The following MSX1 variants were observed in gnomAD, a reference collection of about 807,000 sequenced individuals.
MSX1 encodes msh homeobox 1, also known as homeobox protein MSX-1.
MSX1 carries 11 observed loss-of-function variants against 17.0 expected under a neutral mutation model. That is an observed-to-expected ratio of 0.65 (90% CI 0.41 to 1.07). MSX1 has a LOEUF of 1.07. MSX1 is among the 50% of genes least tolerant of loss of function. MSX1 has a pLI of 0.00. For synonymous variants in MSX1, 253 were observed against 211.8 expected (o/e 1.19, Z -1.69); for missense variants, 477 against 440.1 (o/e 1.08, Z -0.75).
chr4:4,863,229 C>G lies in MSX1; in HGVS notation c.*86C>G. On this transcript the variant is annotated 3_prime_UTR_variant, in exon 2 of 2. Transcript: ENST00000382723. ...CGACGTGCTCCCCTGCTCGGCACCGCCAGCCGCCTTCCCTTTAACCCTCAC... is the reference window on the plus strand; with the variant it reads ...CGACGTGCTCCCCTGCTCGGCACCGGCAGCCGCCTTCCCTTTAACCCTCAC... 7.3e-7 allele frequency: 1 copy of G among 1,373,554 alleles called. No individual in the cohort carries two copies. Among genetic ancestry groups the G allele is most frequent in the Non-Finnish European group, 1.0e-6 (1 of 1,003,066 alleles). 85.1% of individuals were successfully genotyped at this position (1,373,554 alleles called of 1,614,324 possible). A position where few individuals can be genotyped will look rare whatever the true frequency, so the allele number is the denominator to read the frequency against.
chr4:4,861,959 G>A (rs368211623), intron 1 of MSX1, among the ~76,000 whole-genome samples: 6 of 152,148 alleles, frequency 3.9e-5, no homozygotes, highest in African/African-American at 1.2e-4. Flanking sequence ...GGCGCCAGGG[G>A]TGAACGCGAT....
At position 4,860,322 on chromosome 4, in the gene MSX1, G is replaced by C. The variant is rs1737884000; in HGVS notation, c.423G>C (p.Glu141Asp). 1 of 1,604,318 alleles carries C rather than the reference G, an allele frequency of 6.2e-7. No individual in the cohort carries two copies. The highest frequency in any genetic ancestry group is 1.3e-5 in the African/African-American group (1 of 74,906). ...LVKAESPEKPERTPWMQSPRF... is the reference protein window; with the variant it reads ...LVKAESPEKPDRTPWMQSPRF... ...AAGCCGAGAGCCCCGAGAAGCCCGA[G>C]AGGACCCCGTGGATGCAGAGCCCCC... Residue 141 changes from glutamate to aspartate, a missense_variant, in exon 1 of 2, where the codon GAG (glutamate) becomes GAC (aspartate). Physicochemically the swap from Glu to Asp is conservative, Grantham distance 45. Coordinates refer to ENST00000382723, the MANE Select transcript of MSX1 (RefSeq NM_002448.3).
chr4:4,863,254 C>CA lies in MSX1; in HGVS notation c.*112dup, dbSNP rs906845052. The CA allele has an allele frequency of 1.8e-5, 21 of 1,138,474 alleles. No individual in the cohort carries two copies. Among genetic ancestry groups the CA allele is most frequent in the Non-Finnish European group, 2.6e-5 (21 of 795,196 alleles). 70.5% of individuals were successfully genotyped at this position (1,138,474 alleles called of 1,614,324 possible). On this transcript the variant is annotated 3_prime_UTR_variant, in exon 2 of 2. Transcript: ENST00000382723. ...CCAGCCGCCTTCCCTTTAACCCTCA[C>CA]ACTGCTCCAGTTTCACCTCTTTGCT...
rs1737981196 is a variant in MSX1, at chr4:4,863,597, A to G, written c.*454A>G. On this transcript the variant is annotated 3_prime_UTR_variant, in exon 2 of 2. Coordinates refer to ENST00000382723, the MANE Select transcript of MSX1 (RefSeq NM_002448.3). Reference sequence around the variant, plus strand: ...AAAAAAAAAAAAAAAAAGAAAAGAGAAAAAAAAGACTAGCCAGCCAGGAAG... The same window carrying G: ...AAAAAAAAAAAAAAAAAGAAAAGAGGAAAAAAAGACTAGCCAGCCAGGAAG... 1 of 144,730 alleles carries G rather than the reference A, an allele frequency of 6.9e-6. No homozygotes were observed. The highest frequency in any genetic ancestry group is 1.5e-5 in the Non-Finnish European group (1 of 66,840). The allele number at this position is 144,730 out of a possible 1,614,324, so 9.0% of individuals were successfully genotyped here.
intron 1 of MSX1, among the ~76,000 whole-genome samples, chr4:4,862,230 G>T (rs1015875572): frequency 6.6e-6 from 1 of 152,364 alleles, no homozygotes; most frequent in Non-Finnish European, 1.5e-5. Flanking sequence ...CACTCCGTGG[G>T]CACTGATAAA....
At chr4:4,862,081 C>A (rs1166387899) in intron 1 of MSX1, among the ~76,000 whole-genome samples, 1 of 152,198 alleles carries the variant, frequency 6.6e-6, no homozygotes, top group East Asian at 1.9e-4. Context: ...CACAGTGCAC[C>A]CTCCATGATG....
chr4:4,862,577 G>T, intron 1 of MSX1, 124 bp from the exon 2 acceptor site: 1 of 1,143,230 alleles, frequency 8.7e-7, no homozygotes, highest in Non-Finnish European at 1.3e-6. Context: ...GCGATGCCCG[G>T]CACCGAGGCA....
rs1460611625 is a variant in MSX1 at position 4,859,716 on chromosome 4, C to G, written c.-184C>G. ...GGGAACTCTGCCTGCGCGGCGGCAG[C>G]GACCGGAGGCCAGGCCCAGCACGCC... is the stretch of plus-strand genomic sequence containing the variant. On this transcript the variant is annotated 5_prime_UTR_variant, in exon 1 of 2. Transcript: ENST00000382723. 2.4e-5 allele frequency: 6 copies of G among 250,656 alleles called. No individual in the cohort carries two copies. Among genetic ancestry groups the G allele is most frequent in the African/African-American group, 1.1e-4 (5 of 43,480 alleles). The allele number at this position is 250,656 out of a possible 1,614,324, so 15.5% of individuals were successfully genotyped here.
rs28928890 is a variant in MSX1 at position 4,860,150 on chromosome 4, A to T, written c.251A>T (p.Glu84Val). The T allele has an allele frequency of 1.5e-5, 22 of 1,509,688 alleles. No individual in the cohort carries two copies. The highest frequency in any genetic ancestry group is 1.1e-4 in the Admixed American group (5 of 47,144). The allele number at this position is 1,509,688 out of a possible 1,614,324, so 93.5% of individuals were successfully genotyped here. The change falls in exon 1 of 2, where the codon GAG becomes GTG. Residue 84 changes from glutamate to valine, a missense_variant. Transcript: ENST00000382723. ...AAGGAGAGCGCCCTGGCGCCCTCCG[A>T]GGGCGTGCAGGCGGCGGGTGGCTCG... ...GAKESALAPS[E>V]GVQAAGGSAQ...
In MSX1 at chr4:4,860,301, C is replaced by G; in HGVS notation, c.402C>G (p.Ala134=). 1 of 1,602,194 alleles carries G rather than the reference C, an allele frequency of 6.2e-7. No homozygotes were observed. The highest frequency in any genetic ancestry group is 8.5e-7 in the Non-Finnish European group (1 of 1,179,610). The change falls in exon 1 of 2, where the codon GCC becomes GCG. Residue 134 remains alanine (A), a synonymous_variant. Transcript: ENST00000382723. ...LKLPEDALVK[A]ESPEKPERTP... ...TGCCAGAAGATGCGCTCGTCAAAGCCGAGAGCCCCGAGAAGCCCGAGAGGA... is the reference window on the plus strand; with the variant it reads ...TGCCAGAAGATGCGCTCGTCAAAGCGGAGAGCCCCGAGAAGCCCGAGAGGA...
Position 4,859,858 on chromosome 4 carries a change from C to A in MSX1, c.-42C>A. 1.4e-6 allele frequency: 2 copies of A among 1,430,286 alleles called. No individual in the cohort carries two copies. The highest frequency in any genetic ancestry group is 1.8e-6 in the Non-Finnish European group (2 of 1,088,254). The allele number at this position is 1,430,286 out of a possible 1,614,324, so 88.6% of individuals were successfully genotyped here. On this transcript the variant is annotated 5_prime_UTR_variant, in exon 1 of 2. Coordinates refer to ENST00000382723, the MANE Select transcript of MSX1 (RefSeq NM_002448.3). ...CAGCCCGCCCGGAGCCCATGCCCGG[C>A]GGCTGGCCAGTGCTGCGGCAGAAGG...
chr4:4,863,042 C>G lies in MSX1; in HGVS notation c.811C>G (p.Leu271Val), dbSNP rs1737959339. Residue 271 changes from leucine (L) to valine (V), a missense_variant, in exon 2 of 2, where the codon CTC (leucine) becomes GTC (valine). By Grantham distance (32) the Leu-to-Val change is conservative. Transcript: ENST00000382723. The stretch of plus-strand genomic sequence containing the variant: ...TGTAGCGGCCGCGGCGGGTGCCTCG[C>G]TCTACGGTGCCTCTGGCCCCTTCCA... ...AAVAAAAGAS[L>V]YGASGPFQRA... 2 of 1,609,488 alleles carry G rather than the reference C, an allele frequency of 1.2e-6. No homozygotes were observed. The highest frequency in any genetic ancestry group is 1.7e-6 in the Non-Finnish European group (2 of 1,178,644).
At position 4,863,189 on chromosome 4, in the gene MSX1, C is replaced by T. The variant is rs1737964539; in HGVS notation, c.*46C>T. 3 of 1,552,012 alleles carry T rather than the reference C, an allele frequency of 1.9e-6. No individual in the cohort carries two copies. Among genetic ancestry groups the T allele is most frequent in the Non-Finnish European group, 2.6e-6 (3 of 1,153,198 alleles). On this transcript the variant is annotated 3_prime_UTR_variant, in exon 2 of 2. Coordinates refer to ENST00000382723, the MANE Select transcript of MSX1 (RefSeq NM_002448.3). ...TGTGGGCCAGCCGATTCCTCCAGCCCTGGTGCTGTACCCCCGACGTGCTCC... is the reference window on the plus strand; with the variant it reads ...TGTGGGCCAGCCGATTCCTCCAGCCTTGGTGCTGTACCCCCGACGTGCTCC...
chr4:4,860,047 G>A lies in MSX1; in HGVS notation c.148G>A (p.Ala50Thr). Reference protein sequence around the residue: ...AAAMGADEEGAKPKVSPSLLP... With the variant: ...AAAMGADEEGTKPKVSPSLLP... ...CGCCATGGGCGCGGACGAGGAGGGG[G>A]CCAAGCCCAAAGTGTCCCCTTCGCT... Residue 50 changes from alanine (A) to threonine (T), a missense_variant, in exon 1 of 2, where the codon GCC becomes ACC. By Grantham distance (58) the Ala-to-Thr change is moderately conservative. Around this residue, in one of 3 missense-constraint regions of MSX1, gnomAD observed 355 missense variants for 306.1 expected, o/e 1.16. Coordinates refer to ENST00000382723, the MANE Select transcript of MSX1 (RefSeq NM_002448.3). The A allele has an allele frequency of 6.6e-7, 1 of 1,514,686 alleles. No homozygotes were observed. Among genetic ancestry groups the A allele is most frequent in the Non-Finnish European group, 8.8e-7 (1 of 1,132,698 alleles). The allele number at this position is 1,514,686 out of a possible 1,614,324, so 93.8% of individuals were successfully genotyped here.
chr4:4,862,680 T>G (rs1209169510), intron 1 of MSX1, 21 bp from the exon 2 acceptor site: 2 of 1,609,934 alleles, frequency 1.2e-6, no homozygotes, highest in South Asian at 2.2e-5. Flanking sequence ...CCCCTTGCTT[T>G]TTTTTTCTTT....
Position 4,859,705 on chromosome 4 carries a change from C to A in MSX1, c.-195C>A. On this transcript the variant is annotated 5_prime_UTR_variant, in exon 1 of 2. Coordinates refer to ENST00000382723, the MANE Select transcript of MSX1 (RefSeq NM_002448.3). ...CGAGTGCTCCCGGGAACTCTGCCTG[C>A]GCGGCGGCAGCGACCGGAGGCCAGG... 1 of 222,556 alleles carries A rather than the reference C, an allele frequency of 4.5e-6. No individual in the cohort carries two copies. The highest frequency in any genetic ancestry group is 8.3e-6 in the Non-Finnish European group (1 of 121,014). The allele number at this position is 222,556 out of a possible 1,614,324, so 13.8% of individuals were successfully genotyped here. A position where few individuals can be genotyped will look rare whatever the true frequency, so the allele number is the denominator to read the frequency against.
chr4:4,860,412 G>T, intron 1 of MSX1, 44 bp downstream of exon 1: 1 of 1,540,654 alleles, frequency 6.5e-7, no homozygotes, highest in Non-Finnish European at 8.7e-7. Context: ...GGCCGGGTGG[G>T]GGCCGGGTGG....
Position 4,859,841 on chromosome 4 carries a change from C to G in MSX1, c.-59C>G. 7 of 1,389,742 alleles carry G rather than the reference C, an allele frequency of 5.0e-6. No homozygotes were observed. The highest frequency in any genetic ancestry group is 6.6e-6 in the Non-Finnish European group (7 of 1,066,664). 86.1% of individuals were successfully genotyped at this position (1,389,742 alleles called of 1,614,324 possible). A position where few individuals can be genotyped will look rare whatever the true frequency, so the allele number is the denominator to read the frequency against. On this transcript the variant is annotated 5_prime_UTR_variant, in exon 1 of 2. Transcript: ENST00000382723. ...GAGGCCGGCCGCGCTCCCAGCCCGCCCGGAGCCCATGCCCGGCGGCTGGCC... is the reference window on the plus strand; with the variant it reads ...GAGGCCGGCCGCGCTCCCAGCCCGCGCGGAGCCCATGCCCGGCGGCTGGCC...
rs967551252 is a variant in MSX1 at position 4,860,135 on chromosome 4, C to T, written c.236C>T (p.Ala79Val). Reference protein sequence around the residue: ...DHRKPGAKESALAPSEGVQAA... With the variant: ...DHRKPGAKESVLAPSEGVQAA... ...AGGAAGCCGGGGGCCAAGGAGAGCG[C>T]CCTGGCGCCCTCCGAGGGCGTGCAG... The change falls in exon 1 of 2, where the codon GCC becomes GTC. Residue 79 changes from alanine (A) to valine (V), a missense_variant. This residue lies in a region of MSX1 where 355 missense variants were observed against 306.1 expected (regional missense o/e 1.16). Transcript: ENST00000382723. 1 of 1,512,934 alleles carries T rather than the reference C, an allele frequency of 6.6e-7. No homozygotes were observed. Among genetic ancestry groups the T allele is most frequent in the African/African-American group, 1.4e-5 (1 of 69,314 alleles). 93.7% of individuals were successfully genotyped at this position (1,512,934 alleles called of 1,614,324 possible). A position where few individuals can be genotyped will look rare whatever the true frequency, so the allele number is the denominator to read the frequency against.
Sources: allele counts gnomAD v4.1 joint callset (sites outside exome capture counted in the v4.1 genomes callset), GRCh38; gene constraint gnomAD v4.1.1; regional missense constraint gnomAD v4.1.1; transcripts MANE v1.5; gene names NCBI Gene and HGNC (gene_info 2026-07-23, HGNC 2026-07-21).